Variants in MACO1 observed in about 807,000 individuals in gnomAD.
MACO1 encodes the protein macoilin 1, also known as macoilin.
Under a neutral mutation model 78.7 loss-of-function variants are expected in MACO1, and 14 were observed. That is an observed-to-expected ratio of 0.18 (90% confidence interval 0.12 to 0.28). The LOEUF (loss-of-function observed/expected upper bound fraction) is 0.28. Ranked by LOEUF, MACO1 falls within the 10% of genes least tolerant of loss-of-function variation. The probability of loss-of-function intolerance (pLI) is 1.00; values close to 1 mark genes in which losing one functional copy is unlikely to be tolerated. For synonymous variants in MACO1, 288 were observed against 291.6 expected, an observed-to-expected ratio of 0.99 and a Z score of 0.12; for missense variants, 501 against 799.0, an observed-to-expected ratio of 0.63 and a Z score of 4.50.
At chr1:25,448,723 T>A in intron 2 of MACO1, 85 bp from the exon 3 acceptor site, 1 of 1,275,192 alleles carries the variant, frequency 7.8e-7, no homozygotes, top group Admixed American at 2.5e-5. Context: ...TTCAATAATT[T>A]TGTCCAACAT....
chr1:25,456,440 G>C (rs989275840), intron 4 of MACO1, among the ~76,000 whole-genome samples: 4 of 152,204 alleles, frequency 2.6e-5, no homozygotes, highest in African/African-American at 9.7e-5. Context: ...TAGCAGTCCT[G>C]TTGTTCCTGG....
At chr1:25,494,526 G>A (rs1054525315) in intron 10 of MACO1, among the ~76,000 whole-genome samples, 2 of 152,168 alleles carry the variant, frequency 1.3e-5, no homozygotes, top group African/African-American at 4.8e-5. Flanking sequence ...TCTTCCTGAA[G>A]GAAGAAAGAG....
At position 25,485,622 on chromosome 1, in the gene MACO1, T is replaced by C. The variant is rs540690406; in HGVS notation, c.1323T>C (p.Asn441=). The C allele has an allele frequency of 1.2e-5, 19 of 1,613,730 alleles. No individual in the cohort carries two copies. The highest frequency in any genetic ancestry group is 1.7e-5 in the Admixed American group (1 of 59,902). The change falls in exon 8 of 11, where the codon AAT becomes AAC. Residue 441 remains asparagine, a synonymous_variant. Transcript: ENST00000374343. This position sits in a 1 kb window ranked among gnomAD's most constrained non-coding sequence, Gnocchi z 4.3. ...AATCATTTCCATATAGGTTACATAA[T>C]GCTGTGCAAATGAAGCAAAAAGACA... ...ENELLQNKLH[N]AVQMKQKDKQ...
In MACO1 at chr1:25,489,195, C is replaced by T. The variant is rs747346736; in HGVS notation, c.1519C>T (p.Arg507Trp). The change falls in exon 9 of 11, where the codon CGG becomes TGG. Residue 507 changes from arginine to tryptophan, a missense_variant. Coordinates refer to ENST00000374343, the MANE Select transcript of MACO1 (RefSeq NM_018202.6). ...AAGGGGAGAATGCACCGAAACCTTA[C>T]GGAATCGGATCAGAGAACTAGAAGC... The part of the protein sequence containing the change: ...ASRGECTETL[R>W]NRIRELEAEG... 4 of 1,613,646 alleles carry T rather than the reference C, an allele frequency of 2.5e-6. No individual in the cohort carries two copies. Among genetic ancestry groups the T allele is most frequent in the South Asian group, 1.1e-5 (1 of 91,072 alleles).
At chr1:25,450,526 A>T (rs993353264) in intron 3 of MACO1, among the ~76,000 whole-genome samples, 2 of 152,204 alleles carry the variant, frequency 1.3e-5, no homozygotes, top group South Asian at 4.1e-4. Context: ...TTGACCAGAG[A>T]GGGAGCACCA....
intron 5 of MACO1, 114 bp downstream of exon 5, chr1:25,456,945 T>A: frequency 9.4e-7 from 1 of 1,068,060 alleles, no homozygotes; most frequent in Non-Finnish European, 1.3e-6. Flanking sequence ...TGTCTAATGG[T>A]GTTCCTCCTC....
intron 3 of MACO1, among the ~76,000 whole-genome samples, chr1:25,451,361 C>T (rs1377496105): frequency 6.6e-6 from 1 of 152,054 alleles, no homozygotes; most frequent in Non-Finnish European, 1.5e-5. Context: ...GGATATAAAA[C>T]TGTACGTACA....
intron 6 of MACO1, among the ~76,000 whole-genome samples, chr1:25,474,596 C>G (rs752513240): frequency 2.3e-4 from 35 of 152,166 alleles, no homozygotes; most frequent in Non-Finnish European, 4.4e-4. Flanking sequence ...GACTGTGAGG[C>G]TTTCATACCG....
chr1:25,433,860 A>T (rs2042897392), intron 1 of MACO1, among the ~76,000 whole-genome samples: 1 of 152,250 alleles, frequency 6.6e-6, no homozygotes, highest in African/African-American at 2.4e-5. Context: ...TGTTGTTGCT[A>T]TCACAGTTTA....
chr1:25,480,420 A>G (rs1484146319), intron 6 of MACO1, among the ~76,000 whole-genome samples: 1 of 152,204 alleles, frequency 6.6e-6, no homozygotes, highest in Non-Finnish European at 1.5e-5. Flanking sequence ...ATCCTGAAGT[A>G]TTTTAGTTCT....
At chr1:25,470,893 T>C (rs2043262192) in intron 6 of MACO1, among the ~76,000 whole-genome samples, 1 of 151,824 alleles carries the variant, frequency 6.6e-6, no homozygotes, top group African/African-American at 2.4e-5. Context: ...CTGGGCGTGG[T>C]GGCATGTGCC....
At chr1:25,493,689 T>C (rs577870200) in intron 10 of MACO1, among the ~76,000 whole-genome samples, 27 of 151,496 alleles carry the variant, frequency 1.8e-4, no homozygotes, top group Non-Finnish European at 1.9e-4. Context: ...ATTTAGCAGA[T>C]CTCTTTAATG....
At chr1:25,455,468 A>G (rs2043110847) in intron 4 of MACO1, among the ~76,000 whole-genome samples, 1 of 152,232 alleles carries the variant, frequency 6.6e-6, no homozygotes, top group Non-Finnish European at 1.5e-5. Context: ...CAAGTAAATT[A>G]AATGAACTTG....
At chr1:25,432,419 C>T (rs1035425663) in intron 1 of MACO1, among the ~76,000 whole-genome samples, 1 of 152,118 alleles carries the variant, frequency 6.6e-6, no homozygotes, top group African/African-American at 2.4e-5. Flanking sequence ...TAAAATGAGC[C>T]ATAGAGCATA....
At chr1:25,464,229 A>T (rs552052581) in intron 6 of MACO1, among the ~76,000 whole-genome samples, 185 of 151,254 alleles carry the variant, frequency 1.2e-3, no homozygotes, top group Non-Finnish European at 2.3e-3. Context: ...CCTTTTCCAG[A>T]GTGTCGTATG....
At chr1:25,496,366 T>A (rs551370254) in intron 10 of MACO1, among the ~76,000 whole-genome samples, 1 of 152,242 alleles carries the variant, frequency 6.6e-6, no homozygotes, top group East Asian at 1.9e-4. Flanking sequence ...CGGGCTGGTC[T>A]CGAACTCCTG....
chr1:25,446,830 T>G lies in MACO1; in HGVS notation c.149T>G (p.Phe50Cys). The G allele has an allele frequency of 2.5e-6, 4 of 1,614,058 alleles. No homozygotes were observed. The highest frequency in any genetic ancestry group is 3.4e-6 in the Non-Finnish European group (4 of 1,179,964). The change falls in exon 2 of 11, where the codon TTC (phenylalanine) becomes TGC (cysteine). Residue 50 changes from phenylalanine to cysteine, a missense_variant. Around this residue, in one of 5 missense-constraint regions of MACO1, gnomAD observed 171 missense variants for 292.1 expected, o/e 0.59. Coordinates refer to ENST00000374343, the MANE Select transcript of MACO1 (RefSeq NM_018202.6). ...LVLLADFVLEFRFEYLWPFWL... is the reference protein window; with the variant it reads ...LVLLADFVLECRFEYLWPFWL... Reference sequence around the variant, plus strand: ...CTCCTAGCAGATTTTGTCCTGGAGTTCAGATTTGAATACCTGTGGCCATTC... The same window carrying G: ...CTCCTAGCAGATTTTGTCCTGGAGTGCAGATTTGAATACCTGTGGCCATTC...
chr1:25,450,281 G>C (rs1236284509), intron 3 of MACO1, among the ~76,000 whole-genome samples: 1 of 152,076 alleles, frequency 6.6e-6, no homozygotes, highest in African/African-American at 2.4e-5. Flanking sequence ...GCCTGCCTCA[G>C]TGGTTCTCTA....
chr1:25,457,491 A>G (rs1163667276), intron 5 of MACO1, among the ~76,000 whole-genome samples: 1 of 152,190 alleles, frequency 6.6e-6, no homozygotes, highest in African/African-American at 2.4e-5. Context: ...AAGCAAGCCA[A>G]GAACCAAAGT....
Sources: gnomAD v4.1 joint callset for allele counts (sites outside exome capture counted in the v4.1 genomes callset) on GRCh38, gnomAD v4.1.1 for gene constraint, gnomAD v4.1.1 regional missense constraint, Gnocchi (gnomAD v3.1) non-coding constraint, MANE v1.5 for transcripts, NCBI Gene and HGNC (gene_info 2026-07-23, HGNC 2026-07-21) for gene names.